SPTLC2: variants seen among roughly 807,000 people sequenced by gnomAD.
SPTLC2 encodes the protein serine palmitoyltransferase long chain base subunit 2, also known as serine palmitoyltransferase 2.
Under a neutral mutation model 62.0 loss-of-function variants are expected in SPTLC2, and 21 were observed. That is an observed-to-expected ratio of 0.34 (90% CI 0.24 to 0.49). The LOEUF is 0.49. Ranked by LOEUF, SPTLC2 falls within the 20% of genes least tolerant of loss-of-function variation. The pLI, the probability that SPTLC2 is intolerant of heterozygous loss-of-function variation, is 0.99. For synonymous variants in SPTLC2, 261 were observed against 261.8 expected (o/e 1.00, Z 0.03); for missense variants, 511 against 713.0 (o/e 0.72, Z 3.23).
At chr14:77,540,511 G>GT (rs1193304153) in intron 9 of SPTLC2, among the ~76,000 whole-genome samples, 1 of 152,116 alleles carries the variant, frequency 6.6e-6, no homozygotes, top group African/African-American at 2.4e-5. Context: ...GTCTTGCTCA[G>GT]TTGCCCAGGC....
chr14:77,603,322 T>C (rs1420752259), intron 1 of SPTLC2, among the ~76,000 whole-genome samples: 1 of 152,246 alleles, frequency 6.6e-6, no homozygotes, highest in East Asian at 1.9e-4. Flanking sequence ...ATCAAAGAAC[T>C]GTTATCATGC....
rs28584952 is a variant in SPTLC2, at chr14:77,530,456, G to C, written c.1304-8875C>G. On this transcript the variant is annotated intron_variant, in intron 9 of 11. Transcript: ENST00000216484. Reference sequence around the variant, plus strand: ...CGATTCTCGTGCCTCAGCCTCCTGAGTAGCTGGGATTACAGGTGCCCGCCA... The same window carrying C: ...CGATTCTCGTGCCTCAGCCTCCTGACTAGCTGGGATTACAGGTGCCCGCCA... Among the ~76,000 whole-genome samples, 886 of 152,206 alleles carry C rather than the reference G, an allele frequency of 5.8e-3. 10 individuals are homozygous for C. The highest frequency in any genetic ancestry group is 0.02 in the African/African-American group (834 of 41,506).
chr14:77,593,977 T>A (rs2079832810), intron 2 of SPTLC2, among the ~76,000 whole-genome samples: 1 of 152,186 alleles, frequency 6.6e-6, no homozygotes, highest in Non-Finnish European at 1.5e-5. Flanking sequence ...AAGTTGGCTG[T>A]TTTAAATGCT....
intron 6 of SPTLC2, among the ~76,000 whole-genome samples, chr14:77,558,052 T>A (rs987860512): frequency 3.0e-5 from 1 of 32,876 alleles, no homozygotes; most frequent in Non-Finnish European, 7.6e-5. Flanking sequence ...TCATAAAATC[T>A]TTTTTTTTTT....
intron 2 of SPTLC2, among the ~76,000 whole-genome samples, chr14:77,582,329 C>G (rs368807346): frequency 3.9e-4 from 59 of 152,300 alleles, no homozygotes; most frequent in African/African-American, 1.3e-3. Context: ...GCTGAGATTA[C>G]AGGCATGAGC....
At chr14:77,562,790 G>A (rs1432312423) in intron 5 of SPTLC2, among the ~76,000 whole-genome samples, 3 of 152,082 alleles carry the variant, frequency 2.0e-5, no homozygotes, top group Non-Finnish European at 2.9e-5. Flanking sequence ...TGACACATCC[G>A]TCTCTAAAAC....
chr14:77,576,603 T>C (rs1366620057), intron 4 of SPTLC2, among the ~76,000 whole-genome samples, 164 bp downstream of exon 4: 7 of 152,158 alleles, frequency 4.6e-5, no homozygotes, highest in East Asian at 1.9e-4. Context: ...GTTGAAAGCA[T>C]TGAAATCATC....
chr14:77,573,684 G>C (rs980347487), intron 4 of SPTLC2, among the ~76,000 whole-genome samples: 1 of 152,284 alleles, frequency 6.6e-6, no homozygotes, highest in Admixed American at 6.5e-5. Context: ...GTGGAGTGCA[G>C]TGGTGTGATC....
At chr14:77,558,693 C>T (rs1250496851) in intron 6 of SPTLC2, among the ~76,000 whole-genome samples, 3 of 150,116 alleles carry the variant, frequency 2.0e-5, no homozygotes, top group Middle Eastern at 3.4e-3. Flanking sequence ...GTGATCTCTG[C>T]TCACTGAAAC....
At chr14:77,521,777 C>A (rs1379577810) in intron 9 of SPTLC2, among the ~76,000 whole-genome samples, 196 bp from the exon 10 acceptor site, 2 of 152,100 alleles carry the variant, frequency 1.3e-5, no homozygotes, top group African/African-American at 4.8e-5. Flanking sequence ...TGTCATTCTA[C>A]CTGTTAACAG....
chr14:77,549,447 T>C (rs765868787), intron 9 of SPTLC2, among the ~76,000 whole-genome samples: 11 of 152,270 alleles, frequency 7.2e-5, no homozygotes, highest in East Asian at 1.9e-4. Flanking sequence ...CTAAGCCACA[T>C]TGAAAAGATA....
At chr14:77,593,823 T>C (rs1351840901) in intron 2 of SPTLC2, among the ~76,000 whole-genome samples, 1 of 152,180 alleles carries the variant, frequency 6.6e-6, no homozygotes, top group African/African-American at 2.4e-5. Flanking sequence ...CCACTTTCCC[T>C]CACCTCCTTC....
chr14:77,571,810 A>G (rs2079684822), intron 4 of SPTLC2, among the ~76,000 whole-genome samples: 1 of 152,078 alleles, frequency 6.6e-6, no homozygotes, highest in Non-Finnish European at 1.5e-5. Context: ...TTTTTTTGAG[A>G]GAGAGAGTCT....
At chr14:77,569,825 A>ATATAATATAC (rs1173524119) in intron 5 of SPTLC2, among the ~76,000 whole-genome samples, 19 of 39,220 alleles carry the variant, frequency 4.8e-4, no homozygotes, top group East Asian at 6.9e-3. Flanking sequence ...TATGTTATAT[A>ATATAATATAC]TATATATAAT....
At chr14:77,542,410 T>A (rs953056281) in intron 9 of SPTLC2, among the ~76,000 whole-genome samples, 8 of 152,178 alleles carry the variant, frequency 5.3e-5, no homozygotes, top group African/African-American at 1.9e-4. Context: ...TAAATGGACC[T>A]TCAACAGGCT....
intron 5 of SPTLC2, among the ~76,000 whole-genome samples, chr14:77,564,353 G>A (rs926464755): frequency 1.3e-5 from 2 of 150,534 alleles, no homozygotes; most frequent in Non-Finnish European, 3.0e-5. Flanking sequence ...GAAGACTAGA[G>A]CCGGCAGTAT....
rs968362106 is a variant in SPTLC2 at position 77,512,038 on chromosome 14, T to C, written c.*246A>G. The C allele has an allele frequency of 5.6e-6, 3 of 534,868 alleles. No individual in the cohort carries two copies. The African/African-American group carries it at 5.7e-5, about 10-fold the overall frequency. 33.1% of individuals were successfully genotyped at this position (534,868 alleles called of 1,614,324 possible). On this transcript the variant is annotated 3_prime_UTR_variant, in exon 12 of 12. Coordinates refer to ENST00000216484, the MANE Select transcript of SPTLC2 (RefSeq NM_004863.4). ...ATGGTTGCAAAATAAAATGTTTTTT[T>C]AATGGACTGAAAAAGCAAAGTGAGT... is the stretch of plus-strand genomic sequence containing the variant.
chr14:77,597,333 A>G lies in SPTLC2; in HGVS notation c.180T>C (p.Asn60=), dbSNP rs769807904. 6.2e-7 allele frequency: 1 copy of G among 1,614,234 alleles called. No homozygotes were observed. Among genetic ancestry groups the G allele is most frequent in the Non-Finnish European group, 8.5e-7 (1 of 1,180,040 alleles). Residue 60 remains asparagine (N), a synonymous_variant, in exon 2 of 12, where the codon AAT becomes AAC. Transcript: ENST00000216484. Reference sequence around the variant, plus strand: ...GCATTGGTGTTTCTTCAAAAGCTTCATTAAACGGTCTTTTATATAGTCCTC... The same window carrying G: ...GCATTGGTGTTTCTTCAAAAGCTTCGTTAAACGGTCTTTTATATAGTCCTC... ...QNGGLYKRPF[N]EAFEETPMLV...
chr14:77,518,926 C>A (rs1486529972), intron 10 of SPTLC2, among the ~76,000 whole-genome samples: 1 of 152,222 alleles, frequency 6.6e-6, no homozygotes, highest in Non-Finnish European at 1.5e-5. Flanking sequence ...CCACACAATT[C>A]GTATTTAACA....
Sources: allele counts gnomAD v4.1 joint callset (sites outside exome capture counted in the v4.1 genomes callset), GRCh38; gene constraint gnomAD v4.1.1; transcripts MANE v1.5; gene names NCBI Gene and HGNC (gene_info 2026-07-23, HGNC 2026-07-21).